Variants in ADAMTS3 observed in about 807,000 individuals in gnomAD.
ADAMTS3 encodes the protein ADAM metallopeptidase with thrombospondin type 1 motif 3.
Under a neutral mutation model 129.0 loss-of-function variants are expected in ADAMTS3, and 73 were observed. The ratio of observed to expected loss-of-function variants is 0.57; its 90% CI spans 0.47 to 0.69. ADAMTS3 has a LOEUF of 0.69. Among genes scored for constraint, ADAMTS3 ranks in the 30% least tolerant of loss-of-function variants. The pLI, the probability that ADAMTS3 is intolerant of heterozygous loss-of-function variation, is 0.00. For synonymous variants in ADAMTS3, 477 were observed against 510.8 expected, an observed-to-expected ratio of 0.93 and a Z score of 0.89; for missense variants, 1,457 against 1,514.5, an observed-to-expected ratio of 0.96 and a Z score of 0.63.
intron 4 of ADAMTS3, among the ~76,000 whole-genome samples, chr4:72,389,893 A>C (rs1447537034): frequency 6.6e-6 from 1 of 152,106 alleles, no homozygotes; most frequent in African/African-American, 2.4e-5. Context: ...TTTAGCTTAC[A>C]ATTCACTTAT....
intron 3 of ADAMTS3, among the ~76,000 whole-genome samples, chr4:72,489,115 CA>C (rs1421681414): frequency 1.3e-5 from 2 of 151,960 alleles, no homozygotes; most frequent in African/African-American, 4.8e-5. Context: ...GGATTTCCTT[CA>C]TTTCTAAAGC....
rs139866058 is a variant in ADAMTS3 at position 72,458,525 on chromosome 4, G to A, written c.505-43554C>T. The stretch of plus-strand genomic sequence containing the variant: ...GTGGTTAAATAAATGCAGATGACAA[G>A]GTTTTAAGAATAGGGATGTTTTAAA... On this transcript the variant is annotated intron_variant, in intron 3 of 21. Transcript: ENST00000286657. Among the ~76,000 whole-genome samples the A allele has an allele frequency of 2.6e-3, 401 of 151,598 alleles. 3 individuals carry two copies. Among genetic ancestry groups the A allele is most frequent in the African/African-American group, 9.4e-3 (389 of 41,438 alleles).
At chr4:72,371,993 T>G (rs1721021716) in intron 4 of ADAMTS3, among the ~76,000 whole-genome samples, 1 of 151,978 alleles carries the variant, frequency 6.6e-6, no homozygotes, top group Admixed American at 6.6e-5. Context: ...AAAATCTTCA[T>G]ATGTGAAAGT....
In ADAMTS3 at chr4:72,548,786, T is replaced by C. The variant is rs1263499502; in HGVS notation, c.196A>G (p.Lys66Glu). The stretch of plus-strand genomic sequence containing the variant: ...GACACGTCCCTCGCTGACCTCTTTT[T>C]GTGACTCGCAGAAAGAGTATGGGAG... ...YLSHTLSASH[K>E]KRSARDVSSN... Residue 66 changes from lysine (K) to glutamate (E), a missense_variant, in exon 3 of 22, where the codon AAA becomes GAA. Coordinates refer to ENST00000286657, the MANE Select transcript of ADAMTS3 (RefSeq NM_014243.3). 1.2e-6 allele frequency: 2 copies of C among 1,613,806 alleles called. No individual in the cohort carries two copies. Among genetic ancestry groups the C allele is most frequent in the Non-Finnish European group, 1.7e-6 (2 of 1,179,876 alleles).
At chr4:72,492,301 TA>T (rs1240319947) in intron 3 of ADAMTS3, among the ~76,000 whole-genome samples, 7 of 151,760 alleles carry the variant, frequency 4.6e-5, no homozygotes, top group African/African-American at 1.7e-4. Flanking sequence ...ATGCTAACAC[TA>T]GGCTTAGCTT....
rs546789337 is a variant in ADAMTS3, at chr4:72,329,308, T to C, written c.862-6211A>G. 3.3e-5 allele frequency among the ~76,000 whole-genome samples: 5 copies of C among 152,224 alleles called. No individual in the cohort carries two copies. The South Asian group carries it at 8.3e-4, about 25-fold the overall frequency. On this transcript the variant is annotated intron_variant, in intron 5 of 21. Coordinates refer to ENST00000286657, the MANE Select transcript of ADAMTS3 (RefSeq NM_014243.3). ...AAGAGGAGTTAAGGATTGGGTACTA[T>C]TTGAGATTGGGTAGTTAGGAAAGGG...
Position 72,533,239 on chromosome 4 carries a change from A to C in ADAMTS3, c.504+15239T>G, listed in dbSNP as rs1721090408. Among the ~76,000 whole-genome samples the C allele has an allele frequency of 3.9e-5, 6 of 152,286 alleles. No individual in the cohort carries two copies. The South Asian group carries it at 1.2e-3, about 32-fold the overall frequency. On this transcript the variant is annotated intron_variant, in intron 3 of 21. Transcript: ENST00000286657. ...TTTGGTTTTTAAACTTTTTTGTTAA[A>C]AATGAAGACACGAACATACACATTA...
At chr4:72,291,149 C>T (rs1171182167) in intron 19 of ADAMTS3, 87 bp from the exon 20 acceptor site, 5 of 1,422,294 alleles carry the variant, frequency 3.5e-6, no homozygotes, top group Non-Finnish European at 4.8e-6. Flanking sequence ...CTTTTCTGCT[C>T]TCTAAGTGAC....
At chr4:72,470,376 T>TATATATACAC (rs557625827) in intron 3 of ADAMTS3, among the ~76,000 whole-genome samples, 5 of 137,964 alleles carry the variant, frequency 3.6e-5, no homozygotes, top group African/African-American at 8.0e-5. Context: ...TATATATATA[T>TATATATACAC]ACACACACAC....
chr4:72,446,509 G>A (rs959153260), intron 3 of ADAMTS3, among the ~76,000 whole-genome samples: 7 of 151,570 alleles, frequency 4.6e-5, no homozygotes, highest in African/African-American at 1.2e-4. Context: ...CTCTCACCAA[G>A]AAAACAGCGA....
At chr4:72,416,176 T>TAAATATATATATACATATATGTATAC (rs1722300156) in intron 3 of ADAMTS3, among the ~76,000 whole-genome samples, 1 of 148,592 alleles carries the variant, frequency 6.7e-6, no homozygotes, top group Non-Finnish European at 1.5e-5. Context: ...AATATAAATA[T>TAAATATATATATACATATATGTATAC]AAATATATAT....
chr4:72,430,368 C>G (rs1435458251), intron 3 of ADAMTS3, among the ~76,000 whole-genome samples: 1 of 151,994 alleles, frequency 6.6e-6, no homozygotes, highest in Non-Finnish European at 1.5e-5. Context: ...AGCAGCCACA[C>G]TGGGAGAAAC....
At chr4:72,556,463 A>G (rs2623536) in intron 2 of ADAMTS3, among the ~76,000 whole-genome samples, 141,520 of 151,674 alleles carry the variant, frequency 0.93, 67,114 homozygotes, top group East Asian at 1. Context: ...CAACATTGCA[A>G]TGACTTTGAG....
At chr4:72,296,064 C>T (rs535892981) in intron 18 of ADAMTS3, among the ~76,000 whole-genome samples, 1 of 151,830 alleles carries the variant, frequency 6.6e-6, no homozygotes, top group African/African-American at 2.4e-5. Flanking sequence ...GAGGTAGATA[C>T]GAAAACCACT....
intron 3 of ADAMTS3, among the ~76,000 whole-genome samples, chr4:72,486,734 C>A (rs1042074280): frequency 6.6e-6 from 1 of 152,100 alleles, no homozygotes; most frequent in African/African-American, 2.4e-5. Context: ...GTACTTAATT[C>A]AAGTGAAGAA....
In ADAMTS3 at chr4:72,339,681, T is replaced by C. The variant is rs966286194; in HGVS notation, c.674A>G (p.Glu225Gly). ...AACAGTACCTAGATCATCAAGGCCT[T>C]CCAGGTCCGACTCTAATAAGAGACA... ...KDFHYRESDLEGLDDLGTVYG... is the reference protein window; with the variant it reads ...KDFHYRESDLGGLDDLGTVYG... The change falls in exon 5 of 22, where the codon GAA becomes GGA. Residue 225 changes from glutamate (E) to glycine (G), a missense_variant. Glu to Gly is a moderately conservative substitution (Grantham distance 98). Transcript: ENST00000286657. 2 of 1,613,714 alleles carry C rather than the reference T, an allele frequency of 1.2e-6. No homozygotes were observed. Among genetic ancestry groups the C allele is most frequent in the Non-Finnish European group, 1.7e-6 (2 of 1,179,766 alleles).
chr4:72,305,713 A>C (rs1307070939), intron 16 of ADAMTS3, among the ~76,000 whole-genome samples: 1 of 152,050 alleles, frequency 6.6e-6, no homozygotes, highest in African/African-American at 2.4e-5. Context: ...TATTATTTTG[A>C]TTCTTACATA....
chr4:72,345,620 A>C (rs1720260149), intron 4 of ADAMTS3, among the ~76,000 whole-genome samples: 1 of 152,126 alleles, frequency 6.6e-6, no homozygotes, highest in African/African-American at 2.4e-5. Flanking sequence ...AGTTTCACTA[A>C]GTACCTGTTG....
At chr4:72,380,876 C>T (rs1036627940) in intron 4 of ADAMTS3, among the ~76,000 whole-genome samples, 2 of 152,070 alleles carry the variant, frequency 1.3e-5, no homozygotes, top group African/African-American at 4.8e-5. Context: ...TGGTTCAGAG[C>T]ATATCAAGAT....
Sources: allele counts gnomAD v4.1 joint callset (sites outside exome capture counted in the v4.1 genomes callset), GRCh38; gene constraint gnomAD v4.1.1; transcripts MANE v1.5; gene names NCBI Gene and HGNC (gene_info 2026-07-23, HGNC 2026-07-21).